Variants in RAP1GAP observed in about 807,000 individuals in gnomAD.
The protein encoded by RAP1GAP is RAP1 GTPase activating protein.
RAP1GAP carries 35 observed loss-of-function variants against 87.2 expected under a neutral mutation model. The ratio of observed to expected loss-of-function variants is 0.40; its 90% CI spans 0.31 to 0.53. RAP1GAP has a LOEUF of 0.53. Ranked by LOEUF, RAP1GAP falls within the 20% of genes least tolerant of loss-of-function variation. The pLI is 0.48. For missense variants in RAP1GAP, 734 were observed against 898.9 expected (o/e 0.82, Z 2.35); for synonymous variants, 375 against 363.9 (o/e 1.03, Z -0.35).
Position 21,606,217 on chromosome 1 carries a change from G to A in RAP1GAP, c.1297-20C>T, listed in dbSNP as rs763875185. 3.2e-6 allele frequency: 5 copies of A among 1,568,832 alleles called. No homozygotes were observed. The South Asian group carries it at 5.8e-5, about 18-fold the overall frequency. On this transcript the variant is annotated intron_variant, in intron 17 of 24. Transcript: ENST00000374765. Reference sequence around the variant, plus strand: ...GACCCGCTGTGAAGGGGGTGGCAGTGGAGGAGGCACAGGATTCCTAAGGGC... The same window carrying A: ...GACCCGCTGTGAAGGGGGTGGCAGTAGAGGAGGCACAGGATTCCTAAGGGC...
rs1399967694 is a variant in RAP1GAP, at chr1:21,622,823, T to C, written c.-18-2773A>G. 1 of 152,142 alleles carries C rather than the reference T, an allele frequency of 6.6e-6. No individual in the cohort carries two copies. The highest frequency in any genetic ancestry group is 1.5e-5 in the Non-Finnish European group (1 of 68,032). 9.4% of individuals were successfully genotyped at this position (152,142 alleles called of 1,614,324 possible). A position where few individuals can be genotyped will look rare whatever the true frequency, so the allele number is the denominator to read the frequency against. On this transcript the variant is annotated intron_variant, in intron 3 of 24. Coordinates refer to ENST00000374765, the MANE Select transcript of RAP1GAP (RefSeq NM_002885.4). The surrounding 1 kb of genome is among the most constrained non-coding windows in gnomAD (Gnocchi z 5.7). ...AGGCTCTGGGTACCCCGCCTCGGCA[T>C]CAAGGACAGGGTTGGGTTACCTTGC...
Position 21,622,261 on chromosome 1 carries a change from A to G in RAP1GAP, c.-18-2211T>C. ...TGTCCGCCCGCCCTGGCTGGGGCAGAGCCGGCCGGGCTCCCCAGCAGTCGG... is the reference window on the plus strand; with the variant it reads ...TGTCCGCCCGCCCTGGCTGGGGCAGGGCCGGCCGGGCTCCCCAGCAGTCGG... On this transcript the variant is annotated intron_variant, in intron 3 of 24. Coordinates refer to ENST00000374765, the MANE Select transcript of RAP1GAP (RefSeq NM_002885.4). The surrounding 1 kb of genome is among the most constrained non-coding windows in gnomAD (Gnocchi z 5.7). 1 of 416,608 alleles carries G rather than the reference A, an allele frequency of 2.4e-6. No homozygotes were observed. The highest frequency in any genetic ancestry group is 4.3e-6 in the Non-Finnish European group (1 of 232,944). 25.8% of individuals were successfully genotyped at this position (416,608 alleles called of 1,614,324 possible).
At chr1:21,661,069 T>C (rs1558928306) in intron 1 of RAP1GAP, among the ~76,000 whole-genome samples, 1 of 152,102 alleles carries the variant, frequency 6.6e-6, no homozygotes, top group Non-Finnish European at 1.5e-5. Context: ...CTGGCCAATA[T>C]GGCAAAACCC....
chr1:21,610,588 T>C (rs1483608687), intron 13 of RAP1GAP, among the ~76,000 whole-genome samples: 1 of 152,206 alleles, frequency 6.6e-6, no homozygotes, highest in African/African-American at 2.4e-5. Flanking sequence ...AAAATTATTT[T>C]AGTTTTCTTG....
chr1:21,642,205 C>A (rs2151448998), intron 2 of RAP1GAP, among the ~76,000 whole-genome samples: 1 of 152,344 alleles, frequency 6.6e-6, no homozygotes, highest in South Asian at 2.1e-4. Context: ...AGTCAGGTCA[C>A]CCCCTGGCAG....
intron 1 of RAP1GAP, among the ~76,000 whole-genome samples, chr1:21,657,978 G>T (rs572386319): frequency 6.6e-6 from 1 of 152,146 alleles, no homozygotes; most frequent in Non-Finnish European, 1.5e-5. Flanking sequence ...CCCAGAGGGC[G>T]CCAGGGTGGT....
At chr1:21,601,889 C>T (rs973783874) in intron 19 of RAP1GAP, 92 bp from the exon 20 acceptor site, 4 of 849,186 alleles carry the variant, frequency 4.7e-6, no homozygotes, top group African/African-American at 3.4e-5. Context: ...AGTCACGGTG[C>T]CTCCTGCCTC....
chr1:21,634,167 C>T lies in RAP1GAP; in HGVS notation c.-112-7770G>A, dbSNP rs1051381123. ...CTGCCAAAGTGCCAGGGAAGGTGGC[C>T]GGGGCAGCCAGTTGAGCAGGTTTCC... On this transcript the variant is annotated intron_variant, in intron 2 of 24. Coordinates refer to ENST00000374765, the MANE Select transcript of RAP1GAP (RefSeq NM_002885.4). This position sits in a 1 kb window ranked among gnomAD's most constrained non-coding sequence, Gnocchi z 4.1. Among the ~76,000 whole-genome samples the T allele has an allele frequency of 2.6e-5, 4 of 151,886 alleles. No individual in the cohort carries two copies. The highest frequency in any genetic ancestry group is 2.1e-4 in the South Asian group (1 of 4,802).
chr1:21,601,794 C>T lies in RAP1GAP; in HGVS notation c.1542G>A (p.Glu514=), dbSNP rs2068730993. The part of the protein sequence containing the change: ...ENIQEVQEKR[E]SPPAGQKTPD... ...GGGTCTTCTGACCAGCCGGAGGGCTCTCCCTGCGGGGCACACGGGGGCAGC... is the reference window on the plus strand; with the variant it reads ...GGGTCTTCTGACCAGCCGGAGGGCTTTCCCTGCGGGGCACACGGGGGCAGC... The change falls in exon 20 of 25, where the codon GAG becomes GAA. Residue 514 remains glutamate, a synonymous_variant. Transcript: ENST00000374765. The T allele has an allele frequency of 2.5e-6, 4 of 1,603,220 alleles. No homozygotes were observed. The highest frequency in any genetic ancestry group is 2.6e-6 in the Non-Finnish European group (3 of 1,174,850).
At chr1:21,655,001 A>G (rs898313971) in intron 1 of RAP1GAP, among the ~76,000 whole-genome samples, 1 of 151,876 alleles carries the variant, frequency 6.6e-6, no homozygotes, top group Non-Finnish European at 1.5e-5. Context: ...TCAGCCGGGC[A>G]TGGTGGTTGG....
At chr1:21,627,578 G>T (rs2092640931) in intron 2 of RAP1GAP, among the ~76,000 whole-genome samples, 1 of 151,992 alleles carries the variant, frequency 6.6e-6, no homozygotes, top group Non-Finnish European at 1.5e-5. Context: ...ACCATGCCTG[G>T]CTAATTTTGT....
chr1:21,626,329 G>C lies in RAP1GAP; in HGVS notation c.-44C>G. 1 of 1,611,850 alleles carries C rather than the reference G, an allele frequency of 6.2e-7. No homozygotes were observed. Among genetic ancestry groups the C allele is most frequent in the Middle Eastern group, 1.6e-4 (1 of 6,062 alleles). ...CTTAGGGTAGAGTGAAGGAGTATAGGAGGGAACTAAGTTCACTCGTGACAG... is the reference window on the plus strand; with the variant it reads ...CTTAGGGTAGAGTGAAGGAGTATAGCAGGGAACTAAGTTCACTCGTGACAG... On this transcript the variant is annotated 5_prime_UTR_variant, in exon 3 of 25. Coordinates refer to ENST00000374765, the MANE Select transcript of RAP1GAP (RefSeq NM_002885.4).
At position 21,603,481 on chromosome 1, in the gene RAP1GAP, G is replaced by A. The variant is rs1358491889; in HGVS notation, c.1429-568C>T. ...CCCCAGGTCACTTCGTGGCGGGGAG[G>A]AGGAGTCAGGGCAGAGGAGAGGGAT... On this transcript the variant is annotated intron_variant, in intron 18 of 24. Transcript: ENST00000374765. This position sits in a 1 kb window ranked among gnomAD's most constrained non-coding sequence, Gnocchi z 6.0. 3.4e-6 allele frequency: 2 copies of A among 589,572 alleles called. No individual in the cohort carries two copies. Among genetic ancestry groups the A allele is most frequent in the African/African-American group, 3.7e-5 (2 of 53,452 alleles). The allele number at this position is 589,572 out of a possible 1,614,324, so 36.5% of individuals were successfully genotyped here.
intron 1 of RAP1GAP, among the ~76,000 whole-genome samples, chr1:21,657,381 C>G (rs1316839351): frequency 1.3e-5 from 2 of 152,254 alleles, no homozygotes. Flanking sequence ...CACATCCTTA[C>G]TCAAATCACA....
chr1:21,619,526 A>G (rs2085163150), intron 4 of RAP1GAP, among the ~76,000 whole-genome samples: 1 of 152,060 alleles, frequency 6.6e-6, no homozygotes, highest in Admixed American at 6.5e-5. Flanking sequence ...AGGCACTCCC[A>G]TCCCAGCACC....
chr1:21,602,348 G>A (rs964190746), intron 19 of RAP1GAP, among the ~76,000 whole-genome samples: 21 of 152,226 alleles, frequency 1.4e-4, no homozygotes, highest in Admixed American at 7.8e-4. Context: ...GGAGGCAGCC[G>A]GGAGCTAGCC....
At chr1:21,653,193 T>C (rs938757606) in intron 1 of RAP1GAP, 1 of 152,098 alleles carries the variant, frequency 6.6e-6, no homozygotes, top group Non-Finnish European at 1.5e-5. Flanking sequence ...ATTGAGATCC[T>C]CTCTCACACC....
At position 21,598,508 on chromosome 1, in the gene RAP1GAP, G is replaced by C. The variant is rs1646562518; in HGVS notation, c.1777-6C>G. ...CCTGAGGATGACACGCTCTCCTGGG[G>C]AGGGGGTGGAAAGAGGGAGGGAGGT... On this transcript the variant is annotated splice_polypyrimidine_tract_variant and splice_region_variant and intron_variant, in intron 21 of 24. Coordinates refer to ENST00000374765, the MANE Select transcript of RAP1GAP (RefSeq NM_002885.4). 1.9e-6 allele frequency: 3 copies of C among 1,607,940 alleles called. No homozygotes were observed. The African/African-American group carries it at 4.0e-5, about 22-fold the overall frequency.
chr1:21,631,559 G>A (rs1461048588), intron 2 of RAP1GAP, among the ~76,000 whole-genome samples: 8 of 152,110 alleles, frequency 5.3e-5, no homozygotes, highest in East Asian at 1.9e-4. Context: ...AGTGCCACGC[G>A]CCTGTAATCC....
Sources: gnomAD v4.1 joint callset for allele counts (sites outside exome capture counted in the v4.1 genomes callset) on GRCh38, gnomAD v4.1.1 for gene constraint, Gnocchi (gnomAD v3.1) non-coding constraint, MANE v1.5 for transcripts, NCBI Gene and HGNC (gene_info 2026-07-23, HGNC 2026-07-21) for gene names.